The following MAP2K5 variants were observed in gnomAD, a reference collection of about 807,000 sequenced individuals.
The protein encoded by MAP2K5 is dual specificity mitogen-activated protein kinase kinase 5.
A neutral mutation model predicts 83.1 loss-of-function variants in MAP2K5; 49 were observed. The ratio of observed to expected loss-of-function variants is 0.59; its 90% confidence interval spans 0.47 to 0.75. The LOEUF is 0.75. MAP2K5 is among the 30% of genes least tolerant of loss of function. The pLI is 0.00. For missense variants in MAP2K5, 457 were observed against 557.5 expected, an observed-to-expected ratio of 0.82 and a Z score of 1.82; for synonymous variants, 202 against 191.8, an observed-to-expected ratio of 1.05 and a Z score of -0.44.
intron 19 of MAP2K5, among the ~76,000 whole-genome samples, chr15:67,754,442 G>T (rs1055826560): frequency 3.2e-4 from 49 of 152,068 alleles, no homozygotes; most frequent in African/African-American, 1.2e-3. Context: ...TTACTTCAAG[G>T]GACATTTATT....
At chr15:67,633,739 A>G (rs1351121751) in intron 9 of MAP2K5, among the ~76,000 whole-genome samples, 1 of 152,234 alleles carries the variant, frequency 6.6e-6, no homozygotes, top group Non-Finnish European at 1.5e-5. Context: ...GAATGAATGG[A>G]TGATTTAAGA....
At chr15:67,791,019 C>T (rs2090507575) in intron 21 of MAP2K5, among the ~76,000 whole-genome samples, 1 of 152,166 alleles carries the variant, frequency 6.6e-6, no homozygotes, top group African/African-American at 2.4e-5. Context: ...TAAATTATTA[C>T]CTGTCTACCC....
intron 4 of MAP2K5, among the ~76,000 whole-genome samples, chr15:67,582,549 G>A (rs529887176): frequency 3.3e-5 from 5 of 152,278 alleles, no homozygotes; most frequent in Non-Finnish European, 4.4e-5. Flanking sequence ...GCAGGGCACA[G>A]TGGTTCATGC....
chr15:67,707,677 C>T (rs949444203), intron 16 of MAP2K5, among the ~76,000 whole-genome samples: 1 of 152,068 alleles, frequency 6.6e-6, no homozygotes, highest in African/African-American at 2.4e-5. Context: ...GGACTCTGAG[C>T]CACAAGGGGA....
chr15:67,606,292 C>T (rs1172280531), intron 8 of MAP2K5, among the ~76,000 whole-genome samples: 1 of 152,134 alleles, frequency 6.6e-6, no homozygotes, highest in Non-Finnish European at 1.5e-5. Context: ...ATATTTTCAG[C>T]TTTGGGGCCA....
intron 1 of MAP2K5, among the ~76,000 whole-genome samples, chr15:67,544,145 G>A (rs1044174591): frequency 6.6e-6 from 1 of 152,180 alleles, no homozygotes; most frequent in African/African-American, 2.4e-5. Context: ...GCTTGCCTCG[G>A]CCTTCCCAAA....
In MAP2K5 at chr15:67,585,950, T is replaced by C; in HGVS notation, c.363+20T>C. 1 of 1,609,118 alleles carries C rather than the reference T, an allele frequency of 6.2e-7. No homozygotes were observed. The highest frequency in any genetic ancestry group is 8.5e-7 in the Non-Finnish European group (1 of 1,175,430). On this transcript the variant is annotated intron_variant, in intron 5 of 21. Coordinates refer to ENST00000178640, the MANE Select transcript of MAP2K5 (RefSeq NM_145160.3). Reference sequence around the variant, plus strand: ...CTGAAGGTACGAATTTCAATAATTGTTTCAGTAAAGTTAGATGGATTTGTA... The same window carrying C: ...CTGAAGGTACGAATTTCAATAATTGCTTCAGTAAAGTTAGATGGATTTGTA...
intron 13 of MAP2K5, among the ~76,000 whole-genome samples, chr15:67,691,664 T>C (rs1179242130): frequency 3.3e-5 from 5 of 152,198 alleles, no homozygotes; most frequent in Non-Finnish European, 5.9e-5. Flanking sequence ...AGTGGTATGC[T>C]CTTGTCCTCC....
intron 13 of MAP2K5, among the ~76,000 whole-genome samples, chr15:67,669,237 AGTGGGT>A (rs2087464682): frequency 6.6e-6 from 1 of 152,176 alleles, no homozygotes; most frequent in Non-Finnish European, 1.5e-5. Context: ...GCAGTGATAG[AGTGGGT>A]TAGGAAACAT....
In MAP2K5 at chr15:67,760,581, T is replaced by G. The variant is rs1409527352; in HGVS notation, c.1135-9021T>G. On this transcript the variant is annotated intron_variant, in intron 19 of 21. Coordinates refer to ENST00000178640, the MANE Select transcript of MAP2K5 (RefSeq NM_145160.3). The surrounding 1 kb of genome is among the most constrained non-coding windows in gnomAD (Gnocchi z 4.1). Reference sequence around the variant, plus strand: ...TTTTGATTTAGTAAGTCAATTAGATTTGTGGGGATTTTTTAACCAGGAAAA... The same window carrying G: ...TTTTGATTTAGTAAGTCAATTAGATGTGTGGGGATTTTTTAACCAGGAAAA... 6.6e-6 allele frequency among the ~76,000 whole-genome samples: 1 copy of G among 152,196 alleles called. No individual in the cohort carries two copies. Among genetic ancestry groups the G allele is most frequent in the Non-Finnish European group, 1.5e-5 (1 of 68,028 alleles).
chr15:67,733,629 G>C (rs1392385017), intron 17 of MAP2K5, among the ~76,000 whole-genome samples: 1 of 152,164 alleles, frequency 6.6e-6, no homozygotes, highest in Non-Finnish European at 1.5e-5. Context: ...TATTCTGCCA[G>C]CTTTTGCCAC....
chr15:67,793,565 G>A lies in MAP2K5; in HGVS notation c.1243-13081G>A, dbSNP rs2090553618. ...CAGATACTAAGCTTGTTAGAATCAA[G>A]TCTAAAATACAAGAAAGCTGGCTTA... On this transcript the variant is annotated intron_variant, in intron 21 of 21. Coordinates refer to ENST00000178640, the MANE Select transcript of MAP2K5 (RefSeq NM_145160.3). This position sits in a 1 kb window ranked among gnomAD's most constrained non-coding sequence, Gnocchi z 4.6. Among the ~76,000 whole-genome samples, 1 of 152,146 alleles carries A rather than the reference G, an allele frequency of 6.6e-6. No individual in the cohort carries two copies. The highest frequency in any genetic ancestry group is 1.5e-5 in the Non-Finnish European group (1 of 68,018).
intron 13 of MAP2K5, 56 bp from the exon 14 acceptor site, chr15:67,692,423 A>C: frequency 7.9e-7 from 1 of 1,272,888 alleles, no homozygotes; most frequent in Non-Finnish European, 1.1e-6. Flanking sequence ...CTTTTAAAGA[A>C]CAAACGCTGT....
intron 13 of MAP2K5, among the ~76,000 whole-genome samples, chr15:67,686,124 A>G (rs537819515): frequency 7.5e-4 from 114 of 152,278 alleles, no homozygotes; most frequent in African/African-American, 2.6e-3. Context: ...GGGCAAATAG[A>G]TGGTAGAGTT....
intron 8 of MAP2K5, among the ~76,000 whole-genome samples, chr15:67,622,382 G>C (rs2086207206): frequency 6.6e-6 from 1 of 152,124 alleles, no homozygotes; most frequent in Non-Finnish European, 1.5e-5. Flanking sequence ...AAGAAGCAGA[G>C]ATCAGTGAGG....
At chr15:67,614,291 G>A (rs1037874706) in intron 8 of MAP2K5, among the ~76,000 whole-genome samples, 1 of 152,120 alleles carries the variant, frequency 6.6e-6, no homozygotes, top group South Asian at 2.1e-4. Context: ...TATGTAAAAT[G>A]TTTTATAAAC....
intron 16 of MAP2K5, among the ~76,000 whole-genome samples, chr15:67,714,466 G>A (rs1314230628): frequency 8.8e-6 from 1 of 113,442 alleles, no homozygotes; most frequent in African/African-American, 3.4e-5. Context: ...CCACCACCCT[G>A]ACACAGCTGT....
At chr15:67,791,370 G>C (rs2090515286) in intron 21 of MAP2K5, among the ~76,000 whole-genome samples, 1 of 152,188 alleles carries the variant, frequency 6.6e-6, no homozygotes, top group African/African-American at 2.4e-5. Flanking sequence ...GACCACTTGT[G>C]GAGTGTGGGG....
intron 15 of MAP2K5, among the ~76,000 whole-genome samples, chr15:67,697,305 C>T (rs573352620): frequency 1.3e-5 from 2 of 152,220 alleles, no homozygotes; most frequent in East Asian, 1.9e-4. Flanking sequence ...ACTCTTCTTA[C>T]ATATATTAAC....
Sources: gnomAD v4.1 joint callset for allele counts (sites outside exome capture counted in the v4.1 genomes callset) on GRCh38, gnomAD v4.1.1 for gene constraint, Gnocchi (gnomAD v3.1) non-coding constraint, MANE v1.5 for transcripts, NCBI Gene and HGNC (gene_info 2026-07-23, HGNC 2026-07-21) for gene names.